The following MTUS2 variants were observed in gnomAD, a reference collection of about 807,000 sequenced individuals.
MTUS2 encodes the protein microtubule associated scaffold protein 2, also known as microtubule-associated tumor suppressor candidate 2.
MTUS2 carries 40 observed loss-of-function variants against 114.1 expected under a neutral mutation model. The observed-to-expected ratio is 0.35, with a 90% CI of 0.27 to 0.46. The LOEUF is 0.46. MTUS2 is among the 20% of genes least tolerant of loss of function. The pLI is 1.00. For synonymous variants in MTUS2, 688 were observed against 672.0 expected (o/e 1.02, Z -0.37); for missense variants, 1,679 against 1,705.4 (o/e 0.98, Z 0.27).
At chr13:29,267,366 C>T (rs1897705037) in intron 5 of MTUS2, among the ~76,000 whole-genome samples, 1 of 152,194 alleles carries the variant, frequency 6.6e-6, no homozygotes, top group Non-Finnish European at 1.5e-5. Context: ...CCCTTGAGTG[C>T]CTTCTCTAGT....
chr13:29,191,959 T>A (rs995751053), intron 5 of MTUS2, among the ~76,000 whole-genome samples: 1 of 152,194 alleles, frequency 6.6e-6, no homozygotes, highest in Non-Finnish European at 1.5e-5. Context: ...GTGACTACAA[T>A]GCAGTGAGTT....
Position 29,504,508 on chromosome 13 carries a change from G to A in MTUS2, c.*1302G>A. 4.3e-6 allele frequency: 1 copy of A among 232,482 alleles called. No homozygotes were observed. The allele number at this position is 232,482 out of a possible 1,614,324, so 14.4% of individuals were successfully genotyped here. ...TGCTGGATGATCAGGCAACGCTGCT[G>A]CTGACCGTGCTCCCATCTTAGACCC... On this transcript the variant is annotated 3_prime_UTR_variant, in exon 16 of 16. Transcript: ENST00000612955.
intron 7 of MTUS2, among the ~76,000 whole-genome samples, chr13:29,356,437 T>C (rs904737681): frequency 5.9e-5 from 9 of 152,302 alleles, no homozygotes; most frequent in South Asian, 2.1e-4. Flanking sequence ...CAAACACCTG[T>C]TCTGAAACAG....
intron 2 of MTUS2, among the ~76,000 whole-genome samples, chr13:28,863,085 C>A (rs556238630): frequency 6.6e-6 from 1 of 152,146 alleles, no homozygotes; most frequent in East Asian, 1.9e-4. Flanking sequence ...TCTTTTGTTT[C>A]GAAACATTCC....
At chr13:28,902,782 T>C (rs529881151) in intron 2 of MTUS2, among the ~76,000 whole-genome samples, 28 of 152,310 alleles carry the variant, frequency 1.8e-4, no homozygotes, top group African/African-American at 6.3e-4. Context: ...GGACTGTCTT[T>C]TGTATTATCT....
intron 4 of MTUS2, among the ~76,000 whole-genome samples, chr13:29,071,371 A>G (rs1888918796): frequency 7.2e-6 from 1 of 138,022 alleles, no homozygotes; most frequent in Non-Finnish European, 1.5e-5. Context: ...CTCTGAGGAT[A>G]CTAATTAGAT....
At chr13:29,039,177 G>T (rs1381058523) in intron 4 of MTUS2, among the ~76,000 whole-genome samples, 15 of 152,186 alleles carry the variant, frequency 9.9e-5, no homozygotes, top group African/African-American at 3.4e-4. Flanking sequence ...GGCCTGGACC[G>T]CATATCCTGG....
chr13:29,031,810 A>G (rs931663826), intron 3 of MTUS2, among the ~76,000 whole-genome samples: 3 of 151,788 alleles, frequency 2.0e-5, no homozygotes, highest in African/African-American at 4.8e-5. Context: ...TTCCCCCACC[A>G]CTATCCCAGT....
In MTUS2 at chr13:29,332,667, C is replaced by T. The variant is rs1436951626; in HGVS notation, c.2905+7956C>T. 9.1e-5 allele frequency among the ~76,000 whole-genome samples: 13 copies of T among 142,174 alleles called. No homozygotes were observed. In the South Asian group the frequency reaches 2.9e-3, roughly 32 times the overall value. The allele number at this position is 142,174 out of a possible 152,430, so 93.3% of individuals were successfully genotyped here. A position where few individuals can be genotyped will look rare whatever the true frequency, so the allele number is the denominator to read the frequency against. ...TTTTTTTTTCGGACACAGAGTCTCG[C>T]TCAGTCGCCCAGGCTGGAGTGCAGT... On this transcript the variant is annotated intron_variant, in intron 7 of 15. Transcript: ENST00000612955.
chr13:29,449,973 G>A (rs754108711), intron 9 of MTUS2, among the ~76,000 whole-genome samples: 2 of 152,180 alleles, frequency 1.3e-5, no homozygotes, highest in Non-Finnish European at 2.9e-5. Flanking sequence ...CCCCGTCCTC[G>A]GGGACCCAGG....
chr13:29,194,465 AT>A (rs1894587572), intron 5 of MTUS2, among the ~76,000 whole-genome samples: 1 of 152,144 alleles, frequency 6.6e-6, no homozygotes, highest in African/African-American at 2.4e-5. Flanking sequence ...AAAAGAAGAC[AT>A]TTTTGCAGCC....
intron 7 of MTUS2, among the ~76,000 whole-genome samples, chr13:29,350,327 G>T (rs759329644): frequency 6.7e-6 from 1 of 150,154 alleles, no homozygotes; most frequent in African/African-American, 2.5e-5. Context: ...AGTCTATCTC[G>T]TGTGCTTGTA....
intron 5 of MTUS2, among the ~76,000 whole-genome samples, chr13:29,197,207 T>C (rs993316556): frequency 5.3e-5 from 8 of 152,172 alleles, no homozygotes; most frequent in African/African-American, 1.9e-4. Flanking sequence ...GTCCTAATGA[T>C]ATCCCTCCCC....
At chr13:29,088,632 G>T (rs1255016127) in intron 4 of MTUS2, among the ~76,000 whole-genome samples, 2 of 152,202 alleles carry the variant, frequency 1.3e-5, no homozygotes, top group East Asian at 3.9e-4. Flanking sequence ...AATGAATCTT[G>T]GTGCTGCAAT....
chr13:29,463,573 C>G (rs1302582841), intron 9 of MTUS2, among the ~76,000 whole-genome samples: 1 of 147,828 alleles, frequency 6.8e-6, no homozygotes, highest in African/African-American at 2.6e-5. Context: ...GAAGTTGAGG[C>G]CCAGAGCTAG....
At chr13:28,875,259 T>G (rs532603425) in intron 2 of MTUS2, among the ~76,000 whole-genome samples, 1 of 152,326 alleles carries the variant, frequency 6.6e-6, no homozygotes, top group South Asian at 2.1e-4. Flanking sequence ...TAGTAGATAC[T>G]GTTGGTTCTT....
chr13:29,018,831 C>G (rs1453089424), intron 2 of MTUS2, among the ~76,000 whole-genome samples: 4 of 143,442 alleles, frequency 2.8e-5, no homozygotes, highest in Non-Finnish European at 6.0e-5. Flanking sequence ...ATTCACAAAC[C>G]ATTATCAGAG....
chr13:29,466,098 G>T (rs1281867576), intron 9 of MTUS2, among the ~76,000 whole-genome samples: 1 of 152,190 alleles, frequency 6.6e-6, no homozygotes, highest in African/African-American at 2.4e-5. Context: ...TTCCAATGCC[G>T]CTGTCTCAGA....
At chr13:29,177,939 A>G (rs962108001) in intron 5 of MTUS2, among the ~76,000 whole-genome samples, 6 of 152,142 alleles carry the variant, frequency 3.9e-5, no homozygotes, top group Non-Finnish European at 5.9e-5. Flanking sequence ...TTTCTTTTCC[A>G]GGAAGAAAGA....
Sources: allele counts gnomAD v4.1 joint callset (sites outside exome capture counted in the v4.1 genomes callset), GRCh38; gene constraint gnomAD v4.1.1; transcripts MANE v1.5; gene names NCBI Gene and HGNC (gene_info 2026-07-23, HGNC 2026-07-21).